NR6A1: variants seen among roughly 807,000 people sequenced by gnomAD.
NR6A1 encodes nuclear receptor subfamily 6 group A member 1.
A neutral mutation model predicts 59.1 loss-of-function variants in NR6A1; 7 were observed. The observed-to-expected ratio is 0.12, with a 90% CI of 0.07 to 0.22. The LOEUF (loss-of-function observed/expected upper bound fraction) is 0.22, where lower values mean the gene tolerates loss of function less well. Ranked by LOEUF, NR6A1 falls within the 10% of genes least tolerant of loss-of-function variation. The probability of loss-of-function intolerance (pLI) is 1.00; values close to 1 mark genes in which losing one functional copy is unlikely to be tolerated. For synonymous variants in NR6A1, 243 were observed against 236.1 expected (o/e 1.03, Z -0.27); for missense variants, 468 against 611.6 (o/e 0.77, Z 2.48).
At chr9:124,536,473 A>G (rs937867480) in intron 6 of NR6A1, among the ~76,000 whole-genome samples, 1 of 152,158 alleles carries the variant, frequency 6.6e-6, no homozygotes, top group African/African-American at 2.4e-5. Flanking sequence ...AGCCTGGCCA[A>G]CATGGTGAAA....
At chr9:124,729,812 T>TTA (rs1839831407) in intron 2 of NR6A1, among the ~76,000 whole-genome samples, 1 of 139,364 alleles carries the variant, frequency 7.2e-6, no homozygotes, top group Non-Finnish European at 1.6e-5. Flanking sequence ...TTTTGTCTAA[T>TTA]TTTTTTTTTT....
At chr9:124,603,579 T>C (rs879260540) in intron 2 of NR6A1, among the ~76,000 whole-genome samples, 12 of 152,184 alleles carry the variant, frequency 7.9e-5, no homozygotes, top group Non-Finnish European at 1.6e-4. Flanking sequence ...TGCATCAGTG[T>C]AGAACCACCT....
intron 2 of NR6A1, among the ~76,000 whole-genome samples, chr9:124,679,106 TCCTCA>T (rs757685860): frequency 3.8e-4 from 58 of 152,176 alleles, no homozygotes; most frequent in Non-Finnish European, 6.5e-4. Context: ...CTGTCCTCTA[TCCTCA>T]CCTCAAGTTC....
chr9:124,678,528 A>T (rs1420687623), intron 2 of NR6A1, among the ~76,000 whole-genome samples: 1 of 152,124 alleles, frequency 6.6e-6, no homozygotes, highest in Non-Finnish European at 1.5e-5. Flanking sequence ...AACAACCACC[A>T]CCTTATCAGA....
At chr9:124,712,462 A>G (rs904641031) in intron 2 of NR6A1, among the ~76,000 whole-genome samples, 1 of 152,054 alleles carries the variant, frequency 6.6e-6, no homozygotes, top group Non-Finnish European at 1.5e-5. Flanking sequence ...TACAAAAATT[A>G]GCCAGGTAGG....
intron 2 of NR6A1, among the ~76,000 whole-genome samples, chr9:124,644,864 G>A (rs375523222): frequency 2.6e-4 from 40 of 152,286 alleles, no homozygotes; most frequent in African/African-American, 7.7e-4. Flanking sequence ...TACATACAAC[G>A]ACTGTACTTC....
chr9:124,678,232 G>C (rs1187192775), intron 2 of NR6A1, among the ~76,000 whole-genome samples: 1 of 152,136 alleles, frequency 6.6e-6, no homozygotes, highest in Non-Finnish European at 1.5e-5. Context: ...CTTCCTAAAA[G>C]AGCTAGATTC....
intron 1 of NR6A1, among the ~76,000 whole-genome samples, chr9:124,770,625 A>G (rs2184219): frequency 0.64 from 85,464 of 134,284 alleles, 28,170 homozygotes; most frequent in African/African-American, 0.84. Context: ...CAACCTGAGG[A>G]GCCCGGGGGG....
At chr9:124,535,343 T>C (rs1394666191) in intron 7 of NR6A1, among the ~76,000 whole-genome samples, 1 of 152,196 alleles carries the variant, frequency 6.6e-6, no homozygotes, top group African/African-American at 2.4e-5. Context: ...TTTGAGAGGC[T>C]GAGACGGGTA....
chr9:124,531,088 C>T (rs1241303051), intron 7 of NR6A1, among the ~76,000 whole-genome samples: 2 of 152,238 alleles, frequency 1.3e-5, no homozygotes, highest in African/African-American at 4.8e-5. Context: ...GCATCATCAT[C>T]TCTCTCCCAT....
intron 2 of NR6A1, among the ~76,000 whole-genome samples, chr9:124,651,177 C>T (rs1837091285): frequency 6.6e-6 from 1 of 152,206 alleles, no homozygotes; most frequent in South Asian, 2.1e-4. Context: ...CTGCCTCAGC[C>T]TCCCAAGTAG....
At chr9:124,646,725 G>C (rs1836940512) in intron 2 of NR6A1, among the ~76,000 whole-genome samples, 1 of 152,132 alleles carries the variant, frequency 6.6e-6, no homozygotes, top group African/African-American at 2.4e-5. Context: ...CTTGTGTTGG[G>C]CCACATTCAA....
chr9:124,720,709 C>A (rs1470450906), intron 2 of NR6A1, among the ~76,000 whole-genome samples: 1 of 152,068 alleles, frequency 6.6e-6, no homozygotes. Context: ...CCAAAGAGTA[C>A]CCAGAAAGGG....
chr9:124,713,768 G>A (rs1316812330), intron 2 of NR6A1, among the ~76,000 whole-genome samples: 1 of 152,178 alleles, frequency 6.6e-6, no homozygotes, highest in East Asian at 1.9e-4. Context: ...GGAGAAATTG[G>A]AACCCTAGAG....
intron 2 of NR6A1, among the ~76,000 whole-genome samples, chr9:124,614,514 T>C (rs1217518885): frequency 6.6e-6 from 1 of 152,162 alleles, no homozygotes; most frequent in African/African-American, 2.4e-5. Context: ...ATTCAATCTA[T>C]AAATGATAGA....
intron 2 of NR6A1, among the ~76,000 whole-genome samples, chr9:124,718,183 C>T (rs944069461): frequency 6.6e-6 from 1 of 152,180 alleles, no homozygotes; most frequent in Non-Finnish European, 1.5e-5. Flanking sequence ...TCCACTGTAC[C>T]ATGCACCCAT....
At chr9:124,539,931 G>C in intron 5 of NR6A1, 102 bp downstream of exon 5, 1 of 1,355,228 alleles carries the variant, frequency 7.4e-7, no homozygotes, top group African/African-American at 1.5e-5. Context: ...CAGTACAATG[G>C]CTGAGACAGC....
intron 2 of NR6A1, among the ~76,000 whole-genome samples, chr9:124,700,685 T>C (rs1838915935): frequency 1.3e-5 from 2 of 152,114 alleles, no homozygotes; most frequent in South Asian, 4.1e-4. Flanking sequence ...GCTGGATATT[T>C]GAATTGTTTC....
chr9:124,687,912 C>G (rs1252725046), intron 2 of NR6A1, among the ~76,000 whole-genome samples: 1 of 152,182 alleles, frequency 6.6e-6, no homozygotes, highest in Admixed American at 6.5e-5. Flanking sequence ...GTACACAACT[C>G]CATATATATT....
Sources: gnomAD v4.1 joint callset for allele counts (sites outside exome capture counted in the v4.1 genomes callset) on GRCh38, gnomAD v4.1.1 for gene constraint, MANE v1.5 for transcripts, NCBI Gene and HGNC (gene_info 2026-07-23, HGNC 2026-07-21) for gene names.